The following IPO11 variants were observed in gnomAD, a reference collection of about 807,000 sequenced individuals.
The protein encoded by IPO11 is importin 11, also known as importin-11.
A neutral mutation model predicts 143.2 loss-of-function variants in IPO11; 66 were observed. The observed-to-expected ratio is 0.46, with a 90% CI of 0.38 to 0.57. The LOEUF is 0.57. Ranked by LOEUF, IPO11 falls within the 20% of genes least tolerant of loss-of-function variation. IPO11 has a pLI of 0.00. For synonymous variants in IPO11, 385 were observed against 377.8 expected (o/e 1.02, Z -0.22); for missense variants, 1,026 against 1,141.0 (o/e 0.90, Z 1.45).
Position 62,561,212 on chromosome 5 carries a change from A to G in IPO11, c.2537A>G (p.Lys846Arg). Residue 846 changes from lysine to arginine, a missense_variant, in exon 27 of 30, where the codon AAA becomes AGA. This residue lies in a region of IPO11 where 351 missense variants were observed against 358.9 expected (regional missense o/e 0.98). Transcript: ENST00000325324. ...MDNITQPERR[K>R]LSALALLSLL... ...AACATTACCCAGCCTGAAAGAAGAA[A>G]ACTTTCAGCTTTGGCTTTGCTCTCT... 1 of 1,610,076 alleles carries G rather than the reference A, an allele frequency of 6.2e-7. No individual in the cohort carries two copies. Among genetic ancestry groups the G allele is most frequent in the South Asian group, 1.1e-5 (1 of 90,620 alleles).
intron 2 of IPO11, among the ~76,000 whole-genome samples, chr5:62,440,234 G>GT (rs1744420072): frequency 6.6e-6 from 1 of 152,034 alleles, no homozygotes; most frequent in Non-Finnish European, 1.5e-5. Flanking sequence ...CTTGCACCCA[G>GT]TTGCCAGTGG....
intron 16 of IPO11, among the ~76,000 whole-genome samples, chr5:62,502,013 A>T (rs1741362991): frequency 6.6e-6 from 1 of 152,200 alleles, no homozygotes; most frequent in Non-Finnish European, 1.5e-5. Flanking sequence ...GGCTAGTCCA[A>T]ATCCACCTAA....
intron 24 of IPO11, among the ~76,000 whole-genome samples, chr5:62,546,669 A>G (rs1229238361): frequency 5.3e-5 from 8 of 152,210 alleles, no homozygotes; most frequent in Admixed American, 2.6e-4. Flanking sequence ...CTAAAGTGCA[A>G]AAGTTCTTTT....
chr5:62,418,882 T>A, intron 1 of IPO11: 1 of 1,073,404 alleles, frequency 9.3e-7, no homozygotes, highest in South Asian at 1.7e-5. Flanking sequence ...GTTTCTGTGA[T>A]TATAGCACCA....
chr5:62,553,342 G>GTT (rs1743457413), intron 26 of IPO11, among the ~76,000 whole-genome samples: 1 of 121,754 alleles, frequency 8.2e-6, no homozygotes, highest in African/African-American at 3.2e-5. Context: ...GTGTGTGTGT[G>GTT]TGTGTGTGTG....
chr5:62,463,981 G>A (rs951575402), intron 5 of IPO11, among the ~76,000 whole-genome samples: 2 of 151,340 alleles, frequency 1.3e-5, no homozygotes, highest in African/African-American at 4.9e-5. Flanking sequence ...GTGCCACCAC[G>A]CCCAGCTAAT....
rs750121644 is a variant in IPO11 at position 62,561,293 on chromosome 5, A to G, written c.2582+36A>G. 2.4e-5 allele frequency: 14 copies of G among 584,424 alleles called. 1 individual carries two copies. The highest frequency in any genetic ancestry group is 2.2e-4 in the South Asian group (8 of 35,918). 36.2% of individuals were successfully genotyped at this position (584,424 alleles called of 1,614,324 possible). On this transcript the variant is annotated intron_variant, in intron 27 of 29. Coordinates refer to ENST00000325324, the MANE Select transcript of IPO11 (RefSeq NM_016338.5). ...GTTTTCTTAAAATTTGTTTCTTTCA[A>G]GCATCAAAATGTAAACACTATTTTT...
chr5:62,520,989 A>G (rs182649112), intron 20 of IPO11, among the ~76,000 whole-genome samples: 84 of 152,288 alleles, frequency 5.5e-4, no homozygotes, highest in African/African-American at 1.8e-3. Flanking sequence ...AAGTGTTCCT[A>G]TTTCTCCACA....
In IPO11 at chr5:62,464,835, A is replaced by G. The variant is rs140835919; in HGVS notation, c.517-2296A>G. ...TAATGGCGACACAAAAAATTTCAAT[A>G]TAAAGTCCTTTTAAACAATTTTAAT... On this transcript the variant is annotated intron_variant, in intron 5 of 29. Transcript: ENST00000325324. 1.5e-3 allele frequency among the ~76,000 whole-genome samples: 222 copies of G among 152,346 alleles called. 1 individual carries two copies. Among genetic ancestry groups the G allele is most frequent in the South Asian group, 6.6e-3 (32 of 4,830 alleles).
At chr5:62,585,523 A>G (rs540298933) in intron 27 of IPO11, among the ~76,000 whole-genome samples, 7 of 152,346 alleles carry the variant, frequency 4.6e-5, no homozygotes, top group African/African-American at 1.4e-4. Context: ...AGGTAAGGTC[A>G]GAGAGCTGGG....
In IPO11 at chr5:62,601,808, A is replaced by T. The variant is rs373125036; in HGVS notation, c.2723A>T (p.Asp908Val). Residue 908 changes from aspartate (D) to valine (V), a missense_variant, in exon 29 of 30, where the codon GAT (aspartate) becomes GTT (valine). Around this residue, in one of 5 missense-constraint regions of IPO11, gnomAD observed 351 missense variants for 358.9 expected, o/e 0.98. Coordinates refer to ENST00000325324, the MANE Select transcript of IPO11 (RefSeq NM_016338.5). ...CTTGAGGAACCAAAAGTAACAGAAG[A>T]TGAAGAACCACCCACAGAACAAGAT... ...SHLEEPKVTE[D>V]EEPPTEQDKR... The T allele has an allele frequency of 1.3e-5, 20 of 1,598,144 alleles. No homozygotes were observed. Among genetic ancestry groups the T allele is most frequent in the Non-Finnish European group, 1.7e-5 (20 of 1,172,038 alleles).
chr5:62,524,732 G>A (rs568343761), intron 20 of IPO11, among the ~76,000 whole-genome samples: 1 of 152,232 alleles, frequency 6.6e-6, no homozygotes, highest in South Asian at 2.1e-4. Flanking sequence ...AAAAAATAAT[G>A]TATTGTACAC....
intron 24 of IPO11, among the ~76,000 whole-genome samples, chr5:62,542,652 G>C (rs1743001182): frequency 6.6e-6 from 1 of 152,182 alleles, no homozygotes; most frequent in Admixed American, 6.5e-5. Flanking sequence ...TGGATAGAGA[G>C]ACCAGTATGC....
At chr5:62,453,181 A>G (rs1257369851) in intron 5 of IPO11, among the ~76,000 whole-genome samples, 1 of 151,006 alleles carries the variant, frequency 6.6e-6, no homozygotes, top group Non-Finnish European at 1.5e-5. Flanking sequence ...TCTTCTCTAA[A>G]TGTACTTTAA....
intron 26 of IPO11, among the ~76,000 whole-genome samples, chr5:62,557,099 C>T (rs1326135670): frequency 1.3e-5 from 2 of 152,180 alleles, no homozygotes; most frequent in Non-Finnish European, 2.9e-5. Context: ...GAATGCTTGG[C>T]CTCACTTGTG....
chr5:62,594,308 G>A (rs556652678), intron 28 of IPO11, among the ~76,000 whole-genome samples: 10 of 152,282 alleles, frequency 6.6e-5, no homozygotes, highest in African/African-American at 1.9e-4. Context: ...TAAGTCTGAG[G>A]TATAAATCTG....
At chr5:62,576,324 G>A (rs1744312612) in intron 27 of IPO11, 1 of 152,372 alleles carries the variant, frequency 6.6e-6, no homozygotes, top group Non-Finnish European at 1.5e-5. Context: ...CTTCATGATG[G>A]CAGGAAGAGC....
chr5:62,608,846 G>C (rs1286505976), intron 29 of IPO11, among the ~76,000 whole-genome samples: 2 of 152,182 alleles, frequency 1.3e-5, no homozygotes, highest in Non-Finnish European at 2.9e-5. Context: ...GTATAACGAT[G>C]TGTATCCAAC....
intron 4 of IPO11, among the ~76,000 whole-genome samples, chr5:62,450,903 C>T (rs1744900812): frequency 2.0e-5 from 3 of 152,038 alleles, no homozygotes; most frequent in African/African-American, 7.2e-5. Context: ...GCTATTAAAG[C>T]ACAATTTGGC....
Sources: gnomAD v4.1 joint callset for allele counts (sites outside exome capture counted in the v4.1 genomes callset) on GRCh38, gnomAD v4.1.1 for gene constraint, gnomAD v4.1.1 regional missense constraint, MANE v1.5 for transcripts, NCBI Gene and HGNC (gene_info 2026-07-23, HGNC 2026-07-21) for gene names.